The following DDHD1 variants were observed in gnomAD, a reference collection of about 807,000 sequenced individuals.
The protein encoded by DDHD1 is phospholipase DDHD1.
A neutral mutation model predicts 96.4 loss-of-function variants in DDHD1; 49 were observed. That is an observed-to-expected ratio of 0.51 (90% CI 0.40 to 0.64). DDHD1 has a LOEUF of 0.64. Ranked by LOEUF, DDHD1 falls within the 30% of genes least tolerant of loss-of-function variation. The pLI, the probability that DDHD1 is intolerant of heterozygous loss-of-function variation, is 0.00. For missense variants in DDHD1, 1,106 were observed against 1,161.2 expected (o/e 0.95, Z 0.69); for synonymous variants, 442 against 446.5 (o/e 0.99, Z 0.13).
intron 1 of DDHD1, among the ~76,000 whole-genome samples, chr14:53,149,012 T>C (rs949535591): frequency 5.3e-5 from 8 of 152,208 alleles, no homozygotes; most frequent in African/African-American, 1.9e-4. Context: ...AGTTTTTATC[T>C]AAAATGTCCA....
chr14:53,120,410 G>A (rs1386404364), intron 1 of DDHD1, among the ~76,000 whole-genome samples: 3 of 152,074 alleles, frequency 2.0e-5, no homozygotes, highest in South Asian at 4.1e-4. Flanking sequence ...TTCCCATCAA[G>A]CTACCATTGA....
In DDHD1 at chr14:53,093,444, G is replaced by C; in HGVS notation, c.1013C>G (p.Ala338Gly). Residue 338 changes from alanine to glycine, a missense_variant and splice_region_variant, in exon 3 of 13, where the codon GCT (alanine) becomes GGT (glycine). Physicochemically the swap from Ala to Gly is moderately conservative, Grantham distance 60 (BLOSUM62 0). Coordinates refer to ENST00000673822, the MANE Select transcript of DDHD1 (RefSeq NM_001160148.2). ...TCGACTCAACTTGAAACTATGAACA[G>C]CTATTGCAAAAAGGAAAAGCTAATT... ...EVSKSIDGKD[A>G]VHSFKLSRNH... 1 of 1,605,736 alleles carries C rather than the reference G, an allele frequency of 6.2e-7. No homozygotes were observed. The highest frequency in any genetic ancestry group is 8.5e-7 in the Non-Finnish European group (1 of 1,177,658).
chr14:53,103,635 C>T, intron 2 of DDHD1, 48 bp downstream of exon 2: 1 of 1,424,194 alleles, frequency 7.0e-7, no homozygotes, highest in Non-Finnish European at 9.4e-7. Context: ...ACTTTATCAA[C>T]AACTTACTTG....
At chr14:53,143,032 T>G (rs192304249) in intron 1 of DDHD1, among the ~76,000 whole-genome samples, 3 of 152,376 alleles carry the variant, frequency 2.0e-5, no homozygotes, top group African/African-American at 7.2e-5. Context: ...TTACTATTCA[T>G]CATGGGATAT....
intron 1 of DDHD1, among the ~76,000 whole-genome samples, chr14:53,142,928 G>GA (rs1216396403): frequency 6.6e-6 from 1 of 152,226 alleles, no homozygotes; most frequent in African/African-American, 2.4e-5. Context: ...ACTACAAATT[G>GA]AAACAGGAGA....
At chr14:53,131,322 A>G (rs921731533) in intron 1 of DDHD1, among the ~76,000 whole-genome samples, 1 of 152,076 alleles carries the variant, frequency 6.6e-6, no homozygotes, top group Non-Finnish European at 1.5e-5. Flanking sequence ...ATGGCAACCA[A>G]TCACATGCCC....
At chr14:53,106,588 C>T (rs995417212) in intron 1 of DDHD1, among the ~76,000 whole-genome samples, 8 of 152,140 alleles carry the variant, frequency 5.3e-5, no homozygotes, top group African/African-American at 1.4e-4. Context: ...ACCTGGGAGG[C>T]GGAGGTTGCA....
At chr14:53,050,318 T>C (rs1270301046) in intron 12 of DDHD1, among the ~76,000 whole-genome samples, 1 of 151,798 alleles carries the variant, frequency 6.6e-6, no homozygotes, top group Non-Finnish European at 1.5e-5. Flanking sequence ...TAAAAGGGAG[T>C]AGTTCTGAAT....
intron 10 of DDHD1, among the ~76,000 whole-genome samples, chr14:53,054,983 C>A (rs1229573048): frequency 6.6e-6 from 1 of 152,138 alleles, no homozygotes; most frequent in African/African-American, 2.4e-5. Context: ...GATATACTTA[C>A]TACTGAATTT....
rs911636867 is a variant in DDHD1 at position 53,045,449 on chromosome 14, C to A, written c.*1319G>T. On this transcript the variant is annotated 3_prime_UTR_variant, in exon 13 of 13. Coordinates refer to ENST00000673822, the MANE Select transcript of DDHD1 (RefSeq NM_001160148.2). ...ATGTTGCCCAAGCTGGTCTTGAAATCCTGGGCTCAAGAGATCCTCCCATCT... is the reference window on the plus strand; with the variant it reads ...ATGTTGCCCAAGCTGGTCTTGAAATACTGGGCTCAAGAGATCCTCCCATCT... 3 of 152,260 alleles carry A rather than the reference C, an allele frequency of 2.0e-5. No individual in the cohort carries two copies. The highest frequency in any genetic ancestry group is 7.2e-5 in the African/African-American group (3 of 41,414). The allele number at this position is 152,260 out of a possible 1,614,324, so 9.4% of individuals were successfully genotyped here.
chr14:53,109,045 T>A (rs1887909396), intron 1 of DDHD1, among the ~76,000 whole-genome samples: 1 of 152,202 alleles, frequency 6.6e-6, no homozygotes, highest in Non-Finnish European at 1.5e-5. Flanking sequence ...CATTCACTTC[T>A]GCAGATTAGT....
chr14:53,104,488 G>A (rs1343682720), intron 1 of DDHD1, among the ~76,000 whole-genome samples: 1 of 152,104 alleles, frequency 6.6e-6, no homozygotes, highest in Non-Finnish European at 1.5e-5. Flanking sequence ...ATAAAATCCA[G>A]ACTAGTGTTT....
In DDHD1 at chr14:53,057,990, C is replaced by T. The variant is rs960892368; in HGVS notation, c.1992+487G>A. Among the ~76,000 whole-genome samples, 4 of 152,102 alleles carry T rather than the reference C, an allele frequency of 2.6e-5. No individual in the cohort carries two copies. The East Asian group carries it at 7.7e-4, about 29-fold the overall frequency. On this transcript the variant is annotated intron_variant, in intron 9 of 12. Transcript: ENST00000673822. Reference sequence around the variant, plus strand: ...TCAGCCTCCCGAGTAGCTGGGATTACAGCCGTGCCCAGCTAATTTTTTGTA... The same window carrying T: ...TCAGCCTCCCGAGTAGCTGGGATTATAGCCGTGCCCAGCTAATTTTTTGTA...
At chr14:53,095,359 A>T (rs1371739170) in intron 2 of DDHD1, among the ~76,000 whole-genome samples, 1 of 152,208 alleles carries the variant, frequency 6.6e-6, no homozygotes, top group Non-Finnish European at 1.5e-5. Flanking sequence ...ACTGATTTAA[A>T]GATGGGCTGA....
At chr14:53,062,047 A>AG (rs1272825494) in intron 7 of DDHD1, among the ~76,000 whole-genome samples, 1 of 151,832 alleles carries the variant, frequency 6.6e-6, no homozygotes, top group East Asian at 1.9e-4. Context: ...AAAAAAAAAA[A>AG]AAAAAAAAAA....
intron 1 of DDHD1, among the ~76,000 whole-genome samples, chr14:53,137,264 T>C (rs959082530): frequency 4.6e-5 from 7 of 151,920 alleles, no homozygotes; most frequent in African/African-American, 1.2e-4. Context: ...AGAAACATAA[T>C]AGAAACTAAA....
intron 1 of DDHD1, among the ~76,000 whole-genome samples, chr14:53,141,238 AC>A (rs1472708090): frequency 2.6e-5 from 4 of 152,232 alleles, no homozygotes; most frequent in African/African-American, 9.6e-5. Context: ...ATTAAATAAA[AC>A]TACCAATTTG....
chr14:53,086,590 C>G (rs1310021695), intron 4 of DDHD1, among the ~76,000 whole-genome samples: 6 of 151,982 alleles, frequency 3.9e-5, no homozygotes, highest in Non-Finnish European at 8.8e-5. Context: ...CTTTTACAGA[C>G]AAGCAAGTGC....
intron 4 of DDHD1, among the ~76,000 whole-genome samples, chr14:53,076,147 A>G (rs770753308): frequency 2.6e-4 from 39 of 152,080 alleles, no homozygotes; most frequent in Non-Finnish European, 4.6e-4. Flanking sequence ...GCTGCTATAG[A>G]TAGTGGATGA....
Sources: gnomAD v4.1 joint callset for allele counts (sites outside exome capture counted in the v4.1 genomes callset) on GRCh38, gnomAD v4.1.1 for gene constraint, MANE v1.5 for transcripts, NCBI Gene and HGNC (gene_info 2026-07-23, HGNC 2026-07-21) for gene names.